Variants in CCNJL observed in about 807,000 individuals in gnomAD.
The protein encoded by CCNJL is cyclin J like.
Under a neutral mutation model 33.4 loss-of-function variants are expected in CCNJL, and 33 were observed. The observed-to-expected ratio is 0.99, with a 90% CI of 0.75 to 1.32. The LOEUF (loss-of-function observed/expected upper bound fraction) is 1.32, where lower values mean the gene tolerates loss of function less well. Ranked by LOEUF, CCNJL falls within the 40% of genes most tolerant of loss-of-function variation. The pLI is 0.00. For missense variants in CCNJL, 512 were observed against 499.7 expected, an observed-to-expected ratio of 1.02 and a Z score of -0.23; for synonymous variants, 227 against 220.9, an observed-to-expected ratio of 1.03 and a Z score of -0.24.
chr5:160,315,897 T>C (rs1369597102), upstream of CCNJL, among the ~76,000 whole-genome samples: 3 of 152,188 alleles, frequency 2.0e-5, no homozygotes. Flanking sequence ...GCTGGGTACA[T>C]TGAAAGAAGA....
rs1389563764 is a variant in CCNJL, at chr5:160,252,303, C to T, written c.*1075G>A. The T allele has an allele frequency of 6.6e-6, 1 of 152,644 alleles. No individual in the cohort carries two copies. The highest frequency in any genetic ancestry group is 6.5e-5 in the Admixed American group (1 of 15,286). The allele number at this position is 152,644 out of a possible 1,614,324, so 9.5% of individuals were successfully genotyped here. ...ATCAAACGCCCATGTACATCCCACT[C>T]CCCAAATACAGGTGGGACTAAGCAA... On this transcript the variant is annotated 3_prime_UTR_variant, in exon 6 of 6. Transcript: ENST00000257536.
chr5:160,297,707 G>C (rs1394618753), intron 2 of CCNJL, among the ~76,000 whole-genome samples: 1 of 150,000 alleles, frequency 6.7e-6, no homozygotes, highest in Non-Finnish European at 1.5e-5. Flanking sequence ...GAAGTATTAA[G>C]GGATAATAGG....
intron 2 of CCNJL, among the ~76,000 whole-genome samples, chr5:160,290,910 A>G (rs1439408415): frequency 1.3e-5 from 2 of 152,018 alleles, no homozygotes; most frequent in African/African-American, 2.4e-5. Flanking sequence ...GCGAGGAGGC[A>G]TAAGAAACAG....
chr5:160,307,907 T>A (rs1199035001), intron 2 of CCNJL, among the ~76,000 whole-genome samples: 2 of 152,082 alleles, frequency 1.3e-5, no homozygotes, highest in African/African-American at 4.8e-5. Context: ...GGAGGAGGGT[T>A]CAACTCCCCA....
chr5:160,321,078 C>CTTTCT (rs1763456212), intron 1 of CCNJL, among the ~76,000 whole-genome samples: 2 of 104,028 alleles, frequency 1.9e-5, no homozygotes, highest in African/African-American at 1.3e-4. Flanking sequence ...TTCTTTCTTT[C>CTTTCT]TTTCTTTCTT....
Position 160,253,770 on chromosome 5 carries a change from C to A in CCNJL, c.772G>T (p.Val258Leu). ...VVYDNVLKDA[V>L]AVKSQALAMV... is the part of the protein sequence containing the mutation. ...GCCAAGGCCTGGCTCTTGACGGCTA[C>A]GGCATCCTTGAGGACGTTGTCATAC... The change falls in exon 6 of 6, where the codon GTA becomes TTA. Residue 258 changes from valine (V) to leucine (L), a missense_variant. Physicochemically the swap from Val to Leu is conservative, Grantham distance 32 (BLOSUM62 1). Transcript: ENST00000257536. The A allele has an allele frequency of 6.6e-7, 1 of 1,526,222 alleles. No individual in the cohort carries two copies. Among genetic ancestry groups the A allele is most frequent in the Non-Finnish European group, 8.8e-7 (1 of 1,139,842 alleles). 94.5% of individuals were successfully genotyped at this position (1,526,222 alleles called of 1,614,324 possible). A position where few individuals can be genotyped will look rare whatever the true frequency, so the allele number is the denominator to read the frequency against.
intron 3 of CCNJL, among the ~76,000 whole-genome samples, chr5:160,268,231 G>C (rs1197003272): frequency 6.6e-6 from 1 of 152,192 alleles, no homozygotes; most frequent in African/African-American, 2.4e-5. Context: ...CTACTCTGAG[G>C]GCACCATGCT....
intron 3 of CCNJL, among the ~76,000 whole-genome samples, chr5:160,273,605 CTG>C (rs1761911753): frequency 6.8e-6 from 1 of 148,128 alleles, no homozygotes; most frequent in Admixed American, 6.7e-5. Context: ...ACACACAGCT[CTG>C]TGCGTGTTTG....
At chr5:160,301,877 G>A (rs1161652924) in intron 2 of CCNJL, among the ~76,000 whole-genome samples, 2 of 151,722 alleles carry the variant, frequency 1.3e-5, no homozygotes, top group Non-Finnish European at 2.9e-5. Context: ...TTACAGGCAT[G>A]TGCCACCACG....
chr5:160,269,113 A>G (rs1455930427), intron 3 of CCNJL, among the ~76,000 whole-genome samples: 1 of 152,194 alleles, frequency 6.6e-6, no homozygotes, highest in Non-Finnish European at 1.5e-5. Context: ...AATTGTGAAA[A>G]TGCCTTCTAG....
intron 2 of CCNJL, among the ~76,000 whole-genome samples, chr5:160,296,560 G>A (rs1381433186): frequency 1.3e-5 from 2 of 152,156 alleles, no homozygotes; most frequent in Non-Finnish European, 2.9e-5. Flanking sequence ...TGAGGCCAGG[G>A]TGCATTTCCA....
chr5:160,294,221 G>GCC (rs1367651530), intron 2 of CCNJL, among the ~76,000 whole-genome samples: 1 of 152,184 alleles, frequency 6.6e-6, no homozygotes, highest in Non-Finnish European at 1.5e-5. Flanking sequence ...TCCTCTCTCT[G>GCC]CCCCGATTGC....
chr5:160,281,629 G>C (rs1331464917), intron 2 of CCNJL, among the ~76,000 whole-genome samples: 2 of 151,664 alleles, frequency 1.3e-5, no homozygotes, highest in Admixed American at 6.6e-5. Flanking sequence ...AATCAAAGAA[G>C]ATTAGACACT....
At chr5:160,310,585 C>T (rs1446689871) in intron 2 of CCNJL, among the ~76,000 whole-genome samples, 1 of 152,138 alleles carries the variant, frequency 6.6e-6, no homozygotes, top group African/African-American at 2.4e-5. Context: ...CTTTTCCTCC[C>T]TGTATTGGGC....
rs1403964898 is a variant in CCNJL at position 160,311,948 on chromosome 5, G to A, written c.-25C>T. 3.1e-6 allele frequency: 5 copies of A among 1,612,570 alleles called. No individual in the cohort carries two copies. In the Admixed American group the frequency reaches 6.7e-5, roughly 22 times the overall value. On this transcript the variant is annotated 5_prime_UTR_variant, in exon 2 of 6. Coordinates refer to ENST00000257536, the MANE Select transcript of CCNJL (RefSeq NM_001308173.3). ...TCGCGTACGCAGCGCCGCTATCCGA[G>A]GCTACCCGGCTCTCAGGGCGCACCC... is the stretch of plus-strand genomic sequence containing the variant.
At chr5:160,311,721 G>T in intron 2 of CCNJL, 137 bp downstream of exon 2, 1 of 767,480 alleles carries the variant, frequency 1.3e-6, no homozygotes, top group Admixed American at 2.1e-5. Flanking sequence ...AGACACTCCG[G>T]GAGAAGGTAA....
intron 2 of CCNJL, among the ~76,000 whole-genome samples, chr5:160,293,509 T>A (rs561413104): frequency 4.6e-5 from 7 of 152,312 alleles, no homozygotes; most frequent in African/African-American, 1.7e-4. Context: ...CAAAGAGAAC[T>A]AAAGTCTCCA....
At chr5:160,326,389 C>G (rs111250063) in intron 1 of CCNJL, among the ~76,000 whole-genome samples, 2 of 148,766 alleles carry the variant, frequency 1.3e-5, no homozygotes, top group Non-Finnish European at 3.0e-5. Context: ...GCAGGACAAT[C>G]GCTTGAACCC....
At position 160,278,887 on chromosome 5, in the gene CCNJL, C is replaced by T. The variant is rs540075920; in HGVS notation, c.280+1638G>A. Among the ~76,000 whole-genome samples the T allele has an allele frequency of 1.2e-4, 18 of 152,266 alleles. No homozygotes were observed. The South Asian group carries it at 1.2e-3, about 11-fold the overall frequency. On this transcript the variant is annotated intron_variant, in intron 3 of 5. Transcript: ENST00000257536. ...GGAGATGTTTCACAAGCCCCGCAGA[C>T]GAAAGGGGGCTGCACGTTGATTTGG...
Sources: gnomAD v4.1 joint callset for allele counts (sites outside exome capture counted in the v4.1 genomes callset) on GRCh38, gnomAD v4.1.1 for gene constraint, MANE v1.5 for transcripts, NCBI Gene and HGNC (gene_info 2026-07-23, HGNC 2026-07-21) for gene names.